LARS2: variants seen among roughly 807,000 people sequenced by gnomAD.
The protein encoded by LARS2 is leucine--tRNA ligase, mitochondrial.
Under a neutral mutation model 116.6 loss-of-function variants are expected in LARS2, and 81 were observed. The ratio of observed to expected loss-of-function variants is 0.69; its 90% CI spans 0.58 to 0.84. The LOEUF (loss-of-function observed/expected upper bound fraction) is 0.84. LARS2 is among the 40% of genes least tolerant of loss of function. LARS2 has a pLI of 0.00. For missense variants in LARS2, 968 were observed against 1,114.5 expected (o/e 0.87, Z 1.87); for synonymous variants, 396 against 407.2 (o/e 0.97, Z 0.33).
chr3:45,411,741 G>T (rs1392445236), intron 4 of LARS2, among the ~76,000 whole-genome samples: 1 of 152,026 alleles, frequency 6.6e-6, no homozygotes, highest in Non-Finnish European at 1.5e-5. Context: ...ACATGTGCAG[G>T]TTATATAGCT....
intron 16 of LARS2, 31 bp from the exon 17 acceptor site, chr3:45,516,063 T>C: frequency 6.3e-7 from 1 of 1,590,158 alleles, no homozygotes. Flanking sequence ...CAATGACACA[T>C]ACCATACCTA....
At chr3:45,449,664 G>A (rs1699093087) in intron 7 of LARS2, among the ~76,000 whole-genome samples, 1 of 152,054 alleles carries the variant, frequency 6.6e-6, no homozygotes, top group South Asian at 2.1e-4. Flanking sequence ...TCTTTTTATT[G>A]GATAGCTATT....
chr3:45,520,357 C>A, intron 19 of LARS2, 61 bp downstream of exon 19: 1 of 1,291,870 alleles, frequency 7.7e-7, no homozygotes, highest in Non-Finnish European at 1.1e-6. Flanking sequence ...TGGCAAGGGG[C>A]CCCACAGGGT....
intron 4 of LARS2, among the ~76,000 whole-genome samples, chr3:45,402,076 GC>G (rs1288421331): frequency 6.6e-6 from 1 of 152,186 alleles, no homozygotes; most frequent in Non-Finnish European, 1.5e-5. Context: ...TCAAATTCCA[GC>G]TCTTAATACT....
chr3:45,500,709 G>A (rs1700103547), intron 15 of LARS2, 130 bp downstream of exon 15: 1 of 662,566 alleles, frequency 1.5e-6, no homozygotes. Flanking sequence ...TTTAGAGGTT[G>A]TCAACCTTAA....
intron 19 of LARS2, among the ~76,000 whole-genome samples, chr3:45,521,456 G>T (rs901387133): frequency 6.6e-6 from 1 of 152,004 alleles, no homozygotes. Context: ...AATTAAAAGG[G>T]TAATTTTTAA....
chr3:45,491,817 C>T lies in LARS2; in HGVS notation c.1523+17C>T. 1 of 1,608,322 alleles carries T rather than the reference C, an allele frequency of 6.2e-7. No individual in the cohort carries two copies. The highest frequency in any genetic ancestry group is 1.3e-5 in the African/African-American group (1 of 74,956). The stretch of plus-strand genomic sequence containing the variant: ...CTGCCCAAGGTAAGGAGCCACATCC[C>T]TGCAGTGGTGACTGTGCCTATGGCC... On this transcript the variant is annotated intron_variant, in intron 13 of 21. Coordinates refer to ENST00000645846, the MANE Select transcript of LARS2 (RefSeq NM_015340.4).
chr3:45,493,110 T>G (rs1279224606), intron 13 of LARS2, among the ~76,000 whole-genome samples: 2 of 152,144 alleles, frequency 1.3e-5, no homozygotes, highest in South Asian at 4.2e-4. Context: ...ATGATCTTTT[T>G]TTTTTTTGAG....
intron 6 of LARS2, among the ~76,000 whole-genome samples, chr3:45,433,322 T>G (rs757813025): frequency 3.3e-5 from 5 of 152,106 alleles, no homozygotes; most frequent in Non-Finnish European, 5.9e-5. Context: ...TTTTTGTTTC[T>G]GTTTTCTTTT....
intron 20 of LARS2, among the ~76,000 whole-genome samples, chr3:45,531,613 G>A (rs941343265): frequency 7.9e-5 from 12 of 151,970 alleles, no homozygotes; most frequent in African/African-American, 2.7e-4. Flanking sequence ...TGAGCTCCTG[G>A]GCTCAAGCAG....
intron 8 of LARS2, 129 bp downstream of exon 8, chr3:45,459,015 C>A: frequency 2.2e-6 from 2 of 890,024 alleles, no homozygotes; most frequent in Non-Finnish European, 3.5e-6. Context: ...CATGGATGTA[C>A]AGACAGGAAG....
intron 9 of LARS2, among the ~76,000 whole-genome samples, chr3:45,475,618 G>C (rs926492913): frequency 1.3e-5 from 2 of 152,148 alleles, no homozygotes; most frequent in Non-Finnish European, 2.9e-5. Context: ...TTTCTTCTTT[G>C]CCCAACATTT....
At chr3:45,537,899 T>C (rs59887906) in intron 20 of LARS2, among the ~76,000 whole-genome samples, 7,344 of 152,156 alleles carry the variant, frequency 0.048, 186 homozygotes, top group Middle Eastern at 0.085. Context: ...AGTAGCTCTC[T>C]CAGAGGAGGG....
intron 21 of LARS2, among the ~76,000 whole-genome samples, chr3:45,542,960 T>C (rs990914221): frequency 7.9e-5 from 12 of 152,258 alleles, no homozygotes; most frequent in African/African-American, 2.7e-4. Context: ...ACCTAGGGGC[T>C]GAGGGAGGGC....
At chr3:45,543,675 G>C (rs1047450854) in intron 21 of LARS2, among the ~76,000 whole-genome samples, 1 of 151,834 alleles carries the variant, frequency 6.6e-6, no homozygotes, top group Non-Finnish European at 1.5e-5. Flanking sequence ...TGTTGGCCAG[G>C]CTGGTTTCAA....
At chr3:45,523,519 C>T (rs994147048) in intron 19 of LARS2, among the ~76,000 whole-genome samples, 6 of 151,318 alleles carry the variant, frequency 4.0e-5, no homozygotes, top group Non-Finnish European at 7.4e-5. Flanking sequence ...TTTGTTGTTG[C>T]TGCTGCTGGA....
intron 20 of LARS2, among the ~76,000 whole-genome samples, chr3:45,528,105 G>C (rs1700558719): frequency 6.6e-6 from 1 of 152,208 alleles, no homozygotes; most frequent in African/African-American, 2.4e-5. Context: ...GGAAGGCCCA[G>C]GCAGGAGGAT....
rs755729851 is a variant in LARS2 at position 45,400,224 on chromosome 3, C to T, written c.235-21C>T. On this transcript the variant is annotated intron_variant, in intron 3 of 21. Coordinates refer to ENST00000645846, the MANE Select transcript of LARS2 (RefSeq NM_015340.4). ...GTTCCCAGAAAATGCTTAATAAATA[C>T]TCATTGTCGTTCTTTCCTAGAAATC... The T allele has an allele frequency of 2.3e-5, 37 of 1,608,432 alleles. No homozygotes were observed. In the Admixed American group the frequency reaches 5.9e-4, roughly 26 times the overall value.
At chr3:45,399,713 T>C (rs1458034692) in intron 3 of LARS2, among the ~76,000 whole-genome samples, 1 of 152,050 alleles carries the variant, frequency 6.6e-6, no homozygotes, top group Non-Finnish European at 1.5e-5. Flanking sequence ...TAGTGGTGAT[T>C]TGTGAGATTT....
Sources: allele counts gnomAD v4.1 joint callset (sites outside exome capture counted in the v4.1 genomes callset), GRCh38; gene constraint gnomAD v4.1.1; transcripts MANE v1.5; gene names NCBI Gene and HGNC (gene_info 2026-07-23, HGNC 2026-07-21).